Variants in COLEC12 observed in about 807,000 individuals in gnomAD.
COLEC12 encodes the protein collectin-12.
Under a neutral mutation model 71.1 loss-of-function variants are expected in COLEC12, and 33 were observed. The ratio of observed to expected loss-of-function variants is 0.46; its 90% CI spans 0.35 to 0.62. The LOEUF (loss-of-function observed/expected upper bound fraction) is 0.62. Among genes scored for constraint, COLEC12 ranks in the 20% least tolerant of loss-of-function variants. COLEC12 has a pLI of 0.00. For synonymous variants in COLEC12, 350 were observed against 353.0 expected (o/e 0.99, Z 0.10); for missense variants, 765 against 916.1 (o/e 0.84, Z 2.13).
intron 2 of COLEC12, among the ~76,000 whole-genome samples, chr18:455,593 AGG>A (rs1382710985): frequency 5.9e-5 from 9 of 151,932 alleles, no homozygotes; most frequent in Non-Finnish European, 2.9e-5. Flanking sequence ...CCCATCATCT[AGG>A]TTTTAGGCCC....
intron 2 of COLEC12, among the ~76,000 whole-genome samples, chr18:410,710 C>T (rs1915876481): frequency 6.6e-6 from 1 of 152,010 alleles, no homozygotes; most frequent in South Asian, 2.1e-4. Context: ...CAGGCGTGAG[C>T]CATCACACCA....
chr18:480,841 G>A lies in COLEC12; in HGVS notation c.8-84C>T, dbSNP rs544890543. Reference sequence around the variant, plus strand: ...GGGGCAGGATGCGACCTGCTTCATCGCCCCTGCTTGTCACAGCAGCTTTCC... The same window carrying A: ...GGGGCAGGATGCGACCTGCTTCATCACCCCTGCTTGTCACAGCAGCTTTCC... On this transcript the variant is annotated intron_variant, in intron 1 of 9. Coordinates refer to ENST00000400256, the MANE Select transcript of COLEC12 (RefSeq NM_130386.3). The surrounding 1 kb of genome is among the most constrained non-coding windows in gnomAD (Gnocchi z 4.1). 2.2e-4 allele frequency: 250 copies of A among 1,145,232 alleles called. No homozygotes were observed. The African/African-American group carries it at 3.5e-3, about 16-fold the overall frequency. The allele number at this position is 1,145,232 out of a possible 1,614,324, so 70.9% of individuals were successfully genotyped here.
intron 2 of COLEC12, among the ~76,000 whole-genome samples, chr18:455,370 C>T (rs1216890110): frequency 1.5e-4 from 22 of 151,508 alleles, no homozygotes; most frequent in South Asian, 1.3e-3. Flanking sequence ...CTCCGCCTCC[C>T]GGGTTCATGC....
intron 2 of COLEC12, among the ~76,000 whole-genome samples, chr18:368,735 G>T (rs191126661): frequency 6.6e-6 from 1 of 150,800 alleles, no homozygotes; most frequent in African/African-American, 2.4e-5. Flanking sequence ...GCGTGGTGGC[G>T]GGCGCCTGTA....
chr18:448,569 C>T (rs1299176965), intron 2 of COLEC12, among the ~76,000 whole-genome samples: 1 of 152,192 alleles, frequency 6.6e-6, no homozygotes, highest in African/African-American at 2.4e-5. Context: ...AAACCCATCA[C>T]AATTATTGTC....
chr18:396,805 T>C (rs1598350644), intron 2 of COLEC12, among the ~76,000 whole-genome samples: 1 of 152,246 alleles, frequency 6.6e-6, no homozygotes, highest in Non-Finnish European at 1.5e-5. Flanking sequence ...CTCTAAGGTT[T>C]GTTTGCCTTA....
rs369772117 is a variant in COLEC12, at chr18:321,699, G to C, written c.2172C>G (p.Asp724Glu). The change falls in exon 9 of 10, where the codon GAC becomes GAG. Residue 724 changes from aspartate to glutamate, a missense_variant. By Grantham distance (45) the Asp-to-Glu change is conservative. Transcript: ENST00000400256. ...CTTTTTCGCAAATGAAGTTATTGAC[G>C]TCTTCACATTGGAAATCGTTCCACT... ...AGQWNDFQCE[D>E]VNNFICEKDR... is the part of the protein sequence containing the mutation. 2 of 1,614,006 alleles carry C rather than the reference G, an allele frequency of 1.2e-6. No homozygotes were observed. The highest frequency in any genetic ancestry group is 1.1e-5 in the South Asian group (1 of 91,080).
At chr18:333,198 C>T in intron 6 of COLEC12, 55 bp from the exon 7 acceptor site, 3 of 1,490,790 alleles carry the variant, frequency 2.0e-6, no homozygotes, top group East Asian at 2.3e-5. Flanking sequence ...AGCACTCTGC[C>T]TTTCTTCAGC....
chr18:363,797 A>G (rs1914798041), intron 2 of COLEC12, among the ~76,000 whole-genome samples: 1 of 152,202 alleles, frequency 6.6e-6, no homozygotes, highest in Non-Finnish European at 1.5e-5. Context: ...TAAATGATGA[A>G]ATATGGAATT....
chr18:392,775 A>G (rs1343847263), intron 2 of COLEC12, among the ~76,000 whole-genome samples: 2 of 152,176 alleles, frequency 1.3e-5, no homozygotes, highest in Non-Finnish European at 2.9e-5. Context: ...TTACTTAACA[A>G]CCTAGCCCTA....
chr18:500,523 TG>T lies in COLEC12; in HGVS notation c.-10del. The T allele has an allele frequency of 8.2e-7, 1 of 1,226,246 alleles. No homozygotes were observed. The highest frequency in any genetic ancestry group is 1.0e-6 in the Non-Finnish European group (1 of 984,688). 76.0% of individuals were successfully genotyped at this position (1,226,246 alleles called of 1,614,324 possible). A position where few individuals can be genotyped will look rare whatever the true frequency, so the allele number is the denominator to read the frequency against. On this transcript the variant is annotated 5_prime_UTR_variant, in exon 1 of 10. Coordinates refer to ENST00000400256, the MANE Select transcript of COLEC12 (RefSeq NM_130386.3). This position sits in a 1 kb window ranked among gnomAD's most constrained non-coding sequence, Gnocchi z 5.3. ...GCCGCCCTACCTTTCATGGTGACCG[TG>T]GGGACGCACCGCCGGCCGGGGAGCT...
chr18:385,264 T>C (rs997920781), intron 2 of COLEC12, among the ~76,000 whole-genome samples: 1 of 152,126 alleles, frequency 6.6e-6, no homozygotes, highest in Non-Finnish European at 1.5e-5. Flanking sequence ...ATAGCCTTTA[T>C]TTCTAAAGTA....
chr18:385,949 G>C (rs984603056), intron 2 of COLEC12, among the ~76,000 whole-genome samples: 5 of 152,188 alleles, frequency 3.3e-5, no homozygotes, highest in African/African-American at 9.7e-5. Context: ...TAAAATCTTT[G>C]GGAGAGTAAA....
intron 2 of COLEC12, among the ~76,000 whole-genome samples, chr18:380,404 G>GGTTCCC (rs1379773163): frequency 1.3e-5 from 2 of 151,970 alleles, no homozygotes; most frequent in African/African-American, 4.8e-5. Context: ...AGTTCTCAGG[G>GGTTCCC]GTTCCCTCTT....
intron 8 of COLEC12, among the ~76,000 whole-genome samples, chr18:328,394 G>C (rs1006511444): frequency 6.6e-6 from 1 of 152,148 alleles, no homozygotes; most frequent in African/African-American, 2.4e-5. Context: ...CCATTCCCAG[G>C]CCATGCAGAG....
chr18:389,438 T>C (rs1367530193), intron 2 of COLEC12, among the ~76,000 whole-genome samples: 3 of 151,600 alleles, frequency 2.0e-5, no homozygotes, highest in African/African-American at 7.3e-5. Flanking sequence ...GCCACCATGC[T>C]CGGCTAATTT....
At chr18:404,081 A>G (rs1016376287) in intron 2 of COLEC12, among the ~76,000 whole-genome samples, 2 of 152,256 alleles carry the variant, frequency 1.3e-5, no homozygotes, top group Non-Finnish European at 1.5e-5. Flanking sequence ...TGATGCCATT[A>G]TCTTCACACA....
At chr18:395,829 C>G (rs1242293183) in intron 2 of COLEC12, among the ~76,000 whole-genome samples, 1 of 152,200 alleles carries the variant, frequency 6.6e-6, no homozygotes, top group African/African-American at 2.4e-5. Flanking sequence ...CCCAATTCCC[C>G]CCATCCATCC....
At chr18:396,532 T>A (rs1915575671) in intron 2 of COLEC12, among the ~76,000 whole-genome samples, 1 of 152,238 alleles carries the variant, frequency 6.6e-6, no homozygotes, top group Non-Finnish European at 1.5e-5. Flanking sequence ...AAGTAAAAAT[T>A]CATCCAATTT....
Sources: allele counts gnomAD v4.1 joint callset (sites outside exome capture counted in the v4.1 genomes callset), GRCh38; gene constraint gnomAD v4.1.1; non-coding constraint Gnocchi (gnomAD v3.1); transcripts MANE v1.5; gene names NCBI Gene and HGNC (gene_info 2026-07-23, HGNC 2026-07-21).